ZNF423: variants seen among roughly 807,000 people sequenced by gnomAD.
ZNF423 encodes Ebf-associated zinc finger protein.
ZNF423 carries 12 observed loss-of-function variants against 95.8 expected under a neutral mutation model. That is an observed-to-expected ratio of 0.13 (90% CI 0.08 to 0.20). The LOEUF is 0.20. ZNF423 is among the 10% of genes least tolerant of loss of function. The probability of loss-of-function intolerance (pLI) is 1.00; values close to 1 mark genes in which losing one functional copy is unlikely to be tolerated. For missense variants in ZNF423, 1,316 were observed against 1,737.1 expected, an observed-to-expected ratio of 0.76 and a Z score of 4.31; for synonymous variants, 749 against 711.9, an observed-to-expected ratio of 1.05 and a Z score of -0.83.
chr16:49,847,912 C>T (rs539956944), intron 1 of ZNF423, among the ~76,000 whole-genome samples: 5 of 152,186 alleles, frequency 3.3e-5, no homozygotes, highest in South Asian at 4.2e-4. Context: ...TCCCTGAAGC[C>T]TGGCATTCAA....
In ZNF423 at chr16:49,637,017, A is replaced by G. The variant is rs762688948; in HGVS notation, c.2159T>C (p.Leu720Pro). ...SSVDDLQKHL[L>P]DMHTFVLYHC... ...GTACAACACAAAGGTGTGCATGTCC[A>G]GCAGGTGCTTCTGCAGGTCATCCAC... Residue 720 changes from leucine to proline, a missense_variant, in exon 4 of 8, where the codon CTG (leucine) becomes CCG (proline). Transcript: ENST00000563137. This position sits in a 1 kb window ranked among gnomAD's most constrained non-coding sequence, Gnocchi z 5.6. 4 of 1,613,962 alleles carry G rather than the reference A, an allele frequency of 2.5e-6. No homozygotes were observed. The highest frequency in any genetic ancestry group is 3.3e-5 in the Admixed American group (2 of 60,026).
chr16:49,793,578 A>T (rs1365469256), intron 1 of ZNF423, among the ~76,000 whole-genome samples: 2 of 152,108 alleles, frequency 1.3e-5, no homozygotes, highest in East Asian at 1.9e-4. Context: ...GGAACACAGT[A>T]CTCCTGTGGA....
intron 5 of ZNF423, among the ~76,000 whole-genome samples, chr16:49,576,908 A>G (rs1320379198): frequency 2.0e-5 from 3 of 152,242 alleles, no homozygotes; most frequent in Non-Finnish European, 4.4e-5. Flanking sequence ...ATACTATTCA[A>G]TGAAGCAAGT....
chr16:49,493,652 A>G (rs1228359429), intron 7 of ZNF423, among the ~76,000 whole-genome samples: 1 of 152,204 alleles, frequency 6.6e-6, no homozygotes, highest in Non-Finnish European at 1.5e-5. Context: ...CTTGTCCTCA[A>G]ATTATGGTTC....
intron 4 of ZNF423, among the ~76,000 whole-genome samples, chr16:49,629,384 T>C (rs530899219): frequency 6.6e-6 from 1 of 152,350 alleles, no homozygotes; most frequent in South Asian, 2.1e-4. Flanking sequence ...TTTGAATTAA[T>C]TTCTATTTTA....
At chr16:49,587,210 C>T (rs1970868516) in intron 5 of ZNF423, among the ~76,000 whole-genome samples, 1 of 152,196 alleles carries the variant, frequency 6.6e-6, no homozygotes, top group African/African-American at 2.4e-5. Context: ...CTGAATCTCT[C>T]TCCCTCTGCA....
intron 5 of ZNF423, among the ~76,000 whole-genome samples, chr16:49,600,051 T>C (rs1043793421): frequency 2.0e-5 from 3 of 152,194 alleles, no homozygotes; most frequent in Non-Finnish European, 2.9e-5. Flanking sequence ...CCGGGCGTGG[T>C]GGCTCACTCC....
intron 3 of ZNF423, among the ~76,000 whole-genome samples, chr16:49,709,550 C>A (rs528337011): frequency 6.6e-6 from 1 of 152,140 alleles, no homozygotes; most frequent in Admixed American, 6.5e-5. Flanking sequence ...CCAGGGGCAG[C>A]AACCGCCCTT....
At chr16:49,533,976 AG>A (rs1968956418) in intron 5 of ZNF423, among the ~76,000 whole-genome samples, 1 of 152,124 alleles carries the variant, frequency 6.6e-6, no homozygotes, top group South Asian at 2.1e-4. Context: ...TGGACAACAC[AG>A]TGAGACCCCA....
chr16:49,638,504 G>A lies in ZNF423; in HGVS notation c.672C>T (p.His224=). 1.9e-6 allele frequency: 3 copies of A among 1,613,866 alleles called. No homozygotes were observed. Among genetic ancestry groups the A allele is most frequent in the Non-Finnish European group, 2.5e-6 (3 of 1,180,042 alleles). ...SDHLKIHLKT[H]SSSKPFKCTV... The stretch of plus-strand genomic sequence containing the variant: ...TGCACTTGAAGGGCTTGCTGGAGCT[G>A]TGGGTCTTCAGGTGGATCTTGAGGT... Residue 224 remains histidine (H), a synonymous_variant, in exon 4 of 8, where the codon CAC becomes CAT. Transcript: ENST00000563137. The surrounding 1 kb of genome is among the most constrained non-coding windows in gnomAD (Gnocchi z 5.6).
intron 2 of ZNF423, among the ~76,000 whole-genome samples, chr16:49,766,585 T>C (rs2033933502): frequency 6.6e-6 from 1 of 152,190 alleles, no homozygotes; most frequent in South Asian, 2.1e-4. Context: ...AAACAAAGTT[T>C]CAGATCCCGG....
At chr16:49,833,993 G>C (rs185965637) in intron 1 of ZNF423, among the ~76,000 whole-genome samples, 1 of 152,180 alleles carries the variant, frequency 6.6e-6, no homozygotes. Context: ...CCTTGGCTTC[G>C]CACAGCCTGT....
rs368675702 is a variant in ZNF423 at position 49,726,856 on chromosome 16, C to CAAAAAAAAA, written c.301+3906_301+3914dup. Among the ~76,000 whole-genome samples, 76 of 94,748 alleles carry CAAAAAAAAA rather than the reference C, an allele frequency of 8.0e-4. 7 individuals carry two copies. Among genetic ancestry groups the CAAAAAAAAA allele is most frequent in the East Asian group, 1.0e-3 (3 of 2,906 alleles). The allele number at this position is 94,748 out of a possible 152,430, so 62.2% of individuals were successfully genotyped here. On this transcript the variant is annotated intron_variant, in intron 3 of 7. Transcript: ENST00000563137. Reference sequence around the variant, plus strand: ...ATTTAAAAGACAGAGTTCCCCCTAGCAAAAAAAAAAAAAAAAAAAAAAAAA... The same window carrying CAAAAAAAAA: ...ATTTAAAAGACAGAGTTCCCCCTAGCAAAAAAAAAAAAAAAAAAAAAAAAAAAAAAAAAA...
intron 2 of ZNF423, among the ~76,000 whole-genome samples, chr16:49,735,232 C>G (rs2033257219): frequency 6.6e-6 from 1 of 152,126 alleles, no homozygotes; most frequent in Non-Finnish European, 1.5e-5. Context: ...CAGGGCTTCC[C>G]ACTCCTGATC....
intron 5 of ZNF423, among the ~76,000 whole-genome samples, chr16:49,590,091 T>C (rs1311369271): frequency 2.7e-5 from 4 of 146,828 alleles, no homozygotes; most frequent in Non-Finnish European, 6.0e-5. Context: ...CACCTTTCCC[T>C]GCGCAAGGTA....
At chr16:49,607,319 A>G (rs1368224783) in intron 5 of ZNF423, among the ~76,000 whole-genome samples, 1 of 152,158 alleles carries the variant, frequency 6.6e-6, no homozygotes, top group Non-Finnish European at 1.5e-5. Flanking sequence ...ACATAAGAAG[A>G]TTAACTAAGC....
At chr16:49,596,318 T>TA (rs961447508) in intron 5 of ZNF423, among the ~76,000 whole-genome samples, 4 of 152,048 alleles carry the variant, frequency 2.6e-5, no homozygotes, top group African/African-American at 9.7e-5. Context: ...CAGCCTTAGG[T>TA]AATTACCAGA....
chr16:49,629,447 CCTAAGTAA>C (rs1441479274), intron 4 of ZNF423, among the ~76,000 whole-genome samples: 1 of 152,158 alleles, frequency 6.6e-6, no homozygotes, highest in African/African-American at 2.4e-5. Context: ...CCCACAGTTC[CCTAAGTAA>C]CTACAGGCCT....
At chr16:49,673,721 C>T (rs1393328396) in intron 3 of ZNF423, among the ~76,000 whole-genome samples, 1 of 152,230 alleles carries the variant, frequency 6.6e-6, no homozygotes, top group African/African-American at 2.4e-5. Context: ...ACCCTTCTGC[C>T]CATGGGGGGC....
Sources: gnomAD v4.1 joint callset for allele counts (sites outside exome capture counted in the v4.1 genomes callset) on GRCh38, gnomAD v4.1.1 for gene constraint, Gnocchi (gnomAD v3.1) non-coding constraint, MANE v1.5 for transcripts, NCBI Gene and HGNC (gene_info 2026-07-23, HGNC 2026-07-21) for gene names.